Variants in PTGFRN observed in about 807,000 individuals in gnomAD.
The protein encoded by PTGFRN is prostaglandin F2 receptor inhibitor.
Under a neutral mutation model 83.2 loss-of-function variants are expected in PTGFRN, and 35 were observed. That is an observed-to-expected ratio of 0.42 (90% confidence interval 0.32 to 0.56). The LOEUF is 0.56. PTGFRN is among the 20% of genes least tolerant of loss of function. The pLI, the probability that PTGFRN is intolerant of heterozygous loss-of-function variation, is 0.11. For missense variants in PTGFRN, 1,051 were observed against 1,179.5 expected (o/e 0.89, Z 1.60); for synonymous variants, 519 against 498.6 (o/e 1.04, Z -0.55).
At chr1:116,981,403 C>G (rs1485156759) in intron 7 of PTGFRN, among the ~76,000 whole-genome samples, 1 of 152,194 alleles carries the variant, frequency 6.6e-6, no homozygotes, top group Non-Finnish European at 1.5e-5. Context: ...ACAGAGGTCA[C>G]AAGTTTCTAT....
At chr1:116,986,399 C>A (rs1372239348) in intron 8 of PTGFRN, among the ~76,000 whole-genome samples, 1 of 152,086 alleles carries the variant, frequency 6.6e-6, no homozygotes, top group East Asian at 1.9e-4. Flanking sequence ...AAAATAGCTC[C>A]CTTAGTACAC....
At chr1:116,936,194 C>G (rs971638839) in intron 1 of PTGFRN, among the ~76,000 whole-genome samples, 22 of 152,046 alleles carry the variant, frequency 1.4e-4, no homozygotes, top group African/African-American at 4.8e-4. Flanking sequence ...GCCATATGCT[C>G]TATTTTTTCC....
At chr1:116,950,467 C>G (rs1650315082) in intron 4 of PTGFRN, among the ~76,000 whole-genome samples, 1 of 152,120 alleles carries the variant, frequency 6.6e-6, no homozygotes, top group African/African-American at 2.4e-5. Context: ...GTGCCTGAGC[C>G]CTGATAAAGG....
rs368615013 is a variant in PTGFRN at position 116,941,968 on chromosome 1, C to T, written c.303C>T (p.Ala101=). 1.2e-5 allele frequency: 20 copies of T among 1,614,060 alleles called. No homozygotes were observed. Among genetic ancestry groups the T allele is most frequent in the Middle Eastern group, 1.6e-4 (1 of 6,084 alleles). Residue 101 remains alanine (A), a synonymous_variant, in exon 2 of 9, where the codon GCC becomes GCT. Coordinates refer to ENST00000393203, the MANE Select transcript of PTGFRN (RefSeq NM_020440.4). This position sits in a 1 kb window ranked among gnomAD's most constrained non-coding sequence, Gnocchi z 5.0. ...EILLRRTAND[A]VELHIKNVQP... ...TGTTAAGGCGGACTGCCAACGACGC[C>T]GTGGAGCTCCACATAAAGAACGTCC...
At chr1:116,921,236 A>G (rs758593929) in intron 1 of PTGFRN, among the ~76,000 whole-genome samples, 3 of 152,184 alleles carry the variant, frequency 2.0e-5, no homozygotes, top group South Asian at 2.1e-4. Flanking sequence ...TTGGATGCAG[A>G]TATTTTTGAG....
chr1:116,984,860 C>T lies in PTGFRN; in HGVS notation c.2348C>T (p.Ser783Phe), dbSNP rs780328135. 12 of 1,614,082 alleles carry T rather than the reference C, an allele frequency of 7.4e-6. No homozygotes were observed. The Admixed American group carries it at 1.5e-4, about 20-fold the overall frequency. ...GAATTCTTGCTGCAAGTGCATGGCT[C>T]CGAGGACCAGGACTTTGGCAACTAC... ...VLEFLLQVHG[S>F]EDQDFGNYYC... is the part of the protein sequence containing the mutation. Residue 783 changes from serine to phenylalanine, a missense_variant, in exon 8 of 9, where the codon TCC (serine) becomes TTC (phenylalanine). By Grantham distance (155) the Ser-to-Phe change is radical. This residue lies in a region of PTGFRN where 719 missense variants were observed against 836.6 expected (regional missense o/e 0.86). Transcript: ENST00000393203.
At chr1:116,910,542 C>T (rs933843238) in intron 1 of PTGFRN, among the ~76,000 whole-genome samples, 4 of 151,926 alleles carry the variant, frequency 2.6e-5, no homozygotes, top group African/African-American at 9.7e-5. Context: ...GGCCGTCTTT[C>T]CCCCAGGTCT....
chr1:116,913,401 C>CT (rs1649321113), intron 1 of PTGFRN, among the ~76,000 whole-genome samples: 1 of 124,550 alleles, frequency 8.0e-6, no homozygotes, highest in Non-Finnish European at 1.6e-5. Flanking sequence ...GTAGCTGGAG[C>CT]TGGGAGGAGG....
At chr1:116,944,607 C>T in intron 2 of PTGFRN, 72 bp from the exon 3 acceptor site, 1 of 1,304,104 alleles carries the variant, frequency 7.7e-7, no homozygotes, top group Non-Finnish European at 9.8e-7. Context: ...TCTGTGGTTG[C>T]AGCGGTGGGC....
chr1:116,976,464 T>A (rs1196726391), intron 7 of PTGFRN, among the ~76,000 whole-genome samples: 1 of 152,164 alleles, frequency 6.6e-6, no homozygotes, highest in East Asian at 1.9e-4. Flanking sequence ...TGTTAAGGGC[T>A]GCCAGAGAGA....
In PTGFRN at chr1:116,930,714, C is replaced by G. The variant is rs530900299; in HGVS notation, c.50-11001C>G. On this transcript the variant is annotated intron_variant, in intron 1 of 8. Transcript: ENST00000393203. ...TTTCATTATTATTACCTCTCCCCAC[C>G]ATTGATAGAGGGTCCCTGAATGATC... 2.6e-5 allele frequency among the ~76,000 whole-genome samples: 4 copies of G among 152,238 alleles called. No individual in the cohort carries two copies. The East Asian group carries it at 7.7e-4, about 29-fold the overall frequency.
chr1:116,975,197 A>G (rs564239455), intron 7 of PTGFRN, among the ~76,000 whole-genome samples: 80 of 152,300 alleles, frequency 5.3e-4, no homozygotes, highest in Admixed American at 1.6e-3. Flanking sequence ...GCCATTGCTG[A>G]GGCTTAAGTA....
In PTGFRN at chr1:116,949,481, C is replaced by T. The variant is rs771592911; in HGVS notation, c.1122C>T (p.His374=). The change falls in exon 4 of 9, where the codon CAC becomes CAT. Residue 374 remains histidine, a synonymous_variant. Coordinates refer to ENST00000393203, the MANE Select transcript of PTGFRN (RefSeq NM_020440.4). ...AAAACTCTGGCTACTATTACTGCCA[C>T]GTGTCCCTGTGGGCACCCGGACACA... ...SKENSGYYYC[H]VSLWAPGHNR... is the part of the protein sequence containing the mutation. 6.8e-6 allele frequency: 11 copies of T among 1,614,242 alleles called. No homozygotes were observed. Among genetic ancestry groups the T allele is most frequent in the Middle Eastern group, 1.7e-4 (1 of 6,060 alleles).
intron 6 of PTGFRN, among the ~76,000 whole-genome samples, chr1:116,969,859 G>C (rs1489172101): frequency 6.6e-6 from 1 of 152,074 alleles, no homozygotes; most frequent in Admixed American, 6.6e-5. Context: ...ATTGTAAATA[G>C]AATTGCTTTC....
rs113080001 is a variant in PTGFRN at position 116,913,379 on chromosome 1, C to T, written c.49+3127C>T. Among the ~76,000 whole-genome samples the T allele has an allele frequency of 5.6e-3, 787 of 141,556 alleles. 7 individuals carry two copies. Among genetic ancestry groups the T allele is most frequent in the Non-Finnish European group, 8.4e-3 (562 of 66,954 alleles). The allele number at this position is 141,556 out of a possible 152,430, so 92.9% of individuals were successfully genotyped here. A position where few individuals can be genotyped will look rare whatever the true frequency, so the allele number is the denominator to read the frequency against. On this transcript the variant is annotated intron_variant, in intron 1 of 8. Coordinates refer to ENST00000393203, the MANE Select transcript of PTGFRN (RefSeq NM_020440.4). Reference sequence around the variant, plus strand: ...GTACATGGCTCATTGAGAAATGGCACGTAAGTTCCCTGTAGCTGGAGCTGG... The same window carrying T: ...GTACATGGCTCATTGAGAAATGGCATGTAAGTTCCCTGTAGCTGGAGCTGG...
At position 116,949,251 on chromosome 1, in the gene PTGFRN, A is replaced by G. The variant is rs1175966303; in HGVS notation, c.892A>G (p.Thr298Ala). ...GGCTGAAGGAAAGGAACTGGACCTG[A>G]CCTGTAACATCACAACAGACCGAGC... ...SVAEGKELDL[T>A]CNITTDRADD... Residue 298 changes from threonine (T) to alanine (A), a missense_variant, in exon 4 of 9, where the codon ACC becomes GCC. By Grantham distance (58) the Thr-to-Ala change is moderately conservative. Around this residue, in one of 3 missense-constraint regions of PTGFRN, gnomAD observed 719 missense variants for 836.6 expected, o/e 0.86. Transcript: ENST00000393203. 1 of 1,613,870 alleles carries G rather than the reference A, an allele frequency of 6.2e-7. No individual in the cohort carries two copies. Among genetic ancestry groups the G allele is most frequent in the South Asian group, 1.1e-5 (1 of 91,032 alleles).
At chr1:116,925,554 C>T (rs1479216746) in intron 1 of PTGFRN, among the ~76,000 whole-genome samples, 1 of 152,124 alleles carries the variant, frequency 6.6e-6, no homozygotes, top group Non-Finnish European at 1.5e-5. Flanking sequence ...AGGATTGAGA[C>T]TGGAGAGAAA....
intron 1 of PTGFRN, among the ~76,000 whole-genome samples, chr1:116,930,846 C>T (rs1649779404): frequency 6.6e-6 from 1 of 152,168 alleles, no homozygotes; most frequent in South Asian, 2.1e-4. Context: ...TAGGTCTTTG[C>T]TTATGCTACA....
chr1:116,974,129 A>C, intron 6 of PTGFRN, 87 bp from the exon 7 acceptor site: 6 of 1,023,976 alleles, frequency 5.9e-6, no homozygotes, highest in Non-Finnish European at 8.8e-6. Context: ...GAAGAGAACC[A>C]CATTTTGATG....
Sources: gnomAD v4.1 joint callset for allele counts (sites outside exome capture counted in the v4.1 genomes callset) on GRCh38, gnomAD v4.1.1 for gene constraint, gnomAD v4.1.1 regional missense constraint, Gnocchi (gnomAD v3.1) non-coding constraint, MANE v1.5 for transcripts, NCBI Gene and HGNC (gene_info 2026-07-23, HGNC 2026-07-21) for gene names.